The following NRDC variants were observed in gnomAD, a reference collection of about 807,000 sequenced individuals.
The protein encoded by NRDC is nardilysin convertase.
Under a neutral mutation model 147.1 loss-of-function variants are expected in NRDC, and 54 were observed. The observed-to-expected ratio is 0.37, with a 90% confidence interval of 0.29 to 0.46. NRDC has a LOEUF of 0.46. Among genes scored for constraint, NRDC ranks in the 20% least tolerant of loss-of-function variants. The pLI, the probability that NRDC is intolerant of heterozygous loss-of-function variation, is 1.00. For missense variants in NRDC, 1,082 were observed against 1,370.6 expected, an observed-to-expected ratio of 0.79 and a Z score of 3.33; for synonymous variants, 440 against 482.1, an observed-to-expected ratio of 0.91 and a Z score of 1.14.
intron 1 of NRDC, among the ~76,000 whole-genome samples, chr1:51,859,189 A>G (rs1682408360): frequency 6.6e-6 from 1 of 152,252 alleles, no homozygotes; most frequent in South Asian, 2.1e-4. Flanking sequence ...GGGAAAAGAA[A>G]AACTATTCAA....
intron 1 of NRDC, among the ~76,000 whole-genome samples, chr1:51,853,304 AAAT>A (rs1682074364): frequency 6.6e-6 from 1 of 152,120 alleles, no homozygotes; most frequent in South Asian, 2.1e-4. Flanking sequence ...AATTTGCCAG[AAAT>A]AATGAGACTC....
chr1:51,793,768 C>G (rs1352295851), intron 24 of NRDC, among the ~76,000 whole-genome samples: 1 of 152,160 alleles, frequency 6.6e-6, no homozygotes, highest in African/African-American at 2.4e-5. Context: ...GCTACAGGAG[C>G]CCCAGAATTT....
intron 26 of NRDC, 104 bp from the exon 27 acceptor site, chr1:51,791,765 G>A (rs1678669737): frequency 1.1e-6 from 1 of 942,178 alleles, no homozygotes; most frequent in Non-Finnish European, 1.7e-6. Context: ...ATCCTTATTG[G>A]AACTGGAAGT....
intron 4 of NRDC, among the ~76,000 whole-genome samples, chr1:51,828,383 T>C (rs183112493): frequency 1.1e-3 from 170 of 152,342 alleles, no homozygotes; most frequent in African/African-American, 4.0e-3. Context: ...ATTTATGTAA[T>C]GTTATGTATA....
chr1:51,871,422 G>A (rs192978331), intron 1 of NRDC, among the ~76,000 whole-genome samples: 51 of 145,856 alleles, frequency 3.5e-4, no homozygotes, highest in African/African-American at 1.3e-3. Context: ...AATTTCTCGA[G>A]TCTCCAAAAG....
In NRDC at chr1:51,840,349, T is replaced by C; in HGVS notation, c.507A>G (p.Glu169=). ...ACTCATCTTCATCATCAAAACCCTC[T>C]TCATCGTCATCTTCTATTTCAGCTC... ...DSGAEIEDDD[E]EGFDDEDEFD... The change falls in exon 2 of 31, where the codon GAA becomes GAG. Residue 169 remains glutamate, a synonymous_variant. Coordinates refer to ENST00000352171, the MANE Select transcript of NRDC (RefSeq NM_001101662.2). The C allele has an allele frequency of 6.5e-7, 1 of 1,532,260 alleles. No homozygotes were observed. The highest frequency in any genetic ancestry group is 9.0e-7 in the Non-Finnish European group (1 of 1,106,184). 94.9% of individuals were successfully genotyped at this position (1,532,260 alleles called of 1,614,324 possible).
chr1:51,876,871 T>C (rs937033006), intron 1 of NRDC, among the ~76,000 whole-genome samples: 1 of 152,166 alleles, frequency 6.6e-6, no homozygotes, highest in Non-Finnish European at 1.5e-5. Context: ...AGCTTTCAAT[T>C]CACATAAGCA....
chr1:51,809,669 G>A (rs1679623879), intron 16 of NRDC, among the ~76,000 whole-genome samples: 1 of 152,108 alleles, frequency 6.6e-6, no homozygotes, highest in African/African-American at 2.4e-5. Flanking sequence ...GGCTGAGGTG[G>A]GTGGATCACC....
At chr1:51,812,620 C>T (rs890330822) in intron 14 of NRDC, among the ~76,000 whole-genome samples, 1 of 152,106 alleles carries the variant, frequency 6.6e-6, no homozygotes, top group Admixed American at 6.5e-5. Flanking sequence ...AGCCCTATAA[C>T]CCATTAGGTT....
chr1:51,851,467 GA>G (rs2149235284), intron 1 of NRDC, among the ~76,000 whole-genome samples: 1 of 151,358 alleles, frequency 6.6e-6, no homozygotes, highest in East Asian at 1.9e-4. Flanking sequence ...TTTCATTTGA[GA>G]AACACAAGTT....
intron 1 of NRDC, among the ~76,000 whole-genome samples, chr1:51,854,557 A>G (rs763626446): frequency 2.6e-5 from 4 of 152,212 alleles, no homozygotes; most frequent in Non-Finnish European, 5.9e-5. Context: ...AGTTATTTCA[A>G]AGGAAACTTC....
chr1:51,815,196 T>TC (rs893717916), intron 11 of NRDC, among the ~76,000 whole-genome samples: 5 of 150,772 alleles, frequency 3.3e-5, no homozygotes, highest in Admixed American at 6.6e-5. Context: ...TTTTTTTTTT[T>TC]TTTTTTTAAT....
chr1:51,839,048 AATCT>A (rs1681127290), intron 2 of NRDC, among the ~76,000 whole-genome samples: 1 of 152,178 alleles, frequency 6.6e-6, no homozygotes, highest in African/African-American at 2.4e-5. Flanking sequence ...AAACTGGTAC[AATCT>A]TTCTTTTTAA....
intron 15 of NRDC, among the ~76,000 whole-genome samples, chr1:51,811,531 G>A (rs984647899): frequency 5.8e-4 from 89 of 152,262 alleles, no homozygotes; most frequent in African/African-American, 2.0e-3. Context: ...GACCCTGACC[G>A]ACAATGTATT....
At chr1:51,829,657 T>C (rs72663146) in intron 4 of NRDC, among the ~76,000 whole-genome samples, 6,863 of 152,254 alleles carry the variant, frequency 0.045, 189 homozygotes, top group Middle Eastern at 0.065. Flanking sequence ...CAACTACAAG[T>C]AAAATACATG....
intron 17 of NRDC, among the ~76,000 whole-genome samples, chr1:51,807,978 T>C (rs1391231922): frequency 2.0e-5 from 3 of 151,860 alleles, no homozygotes; most frequent in African/African-American, 7.3e-5. Context: ...GCTAATTTTG[T>C]ATTTTTTTGG....
intron 1 of NRDC, among the ~76,000 whole-genome samples, chr1:51,849,152 C>T (rs1343546247): frequency 1.3e-5 from 2 of 150,840 alleles, no homozygotes; most frequent in East Asian, 4.0e-4. Flanking sequence ...TTTGGGAGGC[C>T]GAGACGGGCG....
intron 28 of NRDC, 22 bp from the exon 29 acceptor site, chr1:51,790,671 A>T (rs41293249): frequency 0.015 from 23,251 of 1,542,148 alleles, 219 homozygotes; most frequent in Non-Finnish European, 0.017. Flanking sequence ...AAAAAGAAAG[A>T]TGCTCAGGTG....
At chr1:51,804,088 A>G (rs1679337713) in intron 19 of NRDC, 124 bp from the exon 20 acceptor site, 1 of 794,854 alleles carries the variant, frequency 1.3e-6, no homozygotes, top group Admixed American at 3.1e-5. Flanking sequence ...TCCAGAATGT[A>G]AAAGGTAATA....
Sources: allele counts gnomAD v4.1 joint callset (sites outside exome capture counted in the v4.1 genomes callset), GRCh38; gene constraint gnomAD v4.1.1; transcripts MANE v1.5; gene names NCBI Gene and HGNC (gene_info 2026-07-23, HGNC 2026-07-21).